Variants in RALYL observed in about 807,000 individuals in gnomAD.
RALYL encodes RNA-binding Raly-like protein.
Under a neutral mutation model 35.1 loss-of-function variants are expected in RALYL, and 29 were observed. The ratio of observed to expected loss-of-function variants is 0.83; its 90% CI spans 0.61 to 1.13. The LOEUF is 1.13. RALYL is among the 50% of genes most tolerant of loss of function. RALYL has a pLI of 0.00. For synonymous variants in RALYL, 120 were observed against 127.6 expected, an observed-to-expected ratio of 0.94 and a Z score of 0.40; for missense variants, 359 against 360.4, an observed-to-expected ratio of 1.00 and a Z score of 0.03.
At chr8:84,741,763 G>A (rs1444734329) in intron 2 of RALYL, among the ~76,000 whole-genome samples, 3 of 151,922 alleles carry the variant, frequency 2.0e-5, no homozygotes, top group Admixed American at 2.0e-4. Context: ...AAAAGAAAAA[G>A]AATTTGCTCC....
chr8:84,416,427 G>A (rs1267863094), intron 1 of RALYL, among the ~76,000 whole-genome samples: 1 of 152,188 alleles, frequency 6.6e-6, no homozygotes, highest in Non-Finnish European at 1.5e-5. Flanking sequence ...GTGGCATTTA[G>A]GAAGTAGTAA....
chr8:84,223,143 CTTTCCTTTCCTTTCT>C (rs1822777755), intron 1 of RALYL, among the ~76,000 whole-genome samples: 2 of 121,918 alleles, frequency 1.6e-5, no homozygotes, highest in Non-Finnish European at 3.3e-5. Flanking sequence ...CTTTCCTTTC[CTTTCCTTTCCTTTCT>C]TTCCTTCCTC....
intron 2 of RALYL, among the ~76,000 whole-genome samples, chr8:84,693,664 A>G (rs1046445151): frequency 1.3e-5 from 2 of 151,986 alleles, no homozygotes; most frequent in African/African-American, 4.8e-5. Context: ...GCACTACAAG[A>G]AGAAAAATTA....
At chr8:84,907,717 TTTAC>T (rs1419137964) in intron 8 of RALYL, among the ~76,000 whole-genome samples, 3 of 152,126 alleles carry the variant, frequency 2.0e-5, no homozygotes, top group African/African-American at 7.2e-5. Context: ...GGTACTATTT[TTTAC>T]TTACTTATTA....
intron 1 of RALYL, among the ~76,000 whole-genome samples, chr8:84,318,154 C>T (rs545433226): frequency 1.3e-5 from 2 of 152,106 alleles, no homozygotes; most frequent in African/African-American, 4.8e-5. Context: ...CTGTTAAAGA[C>T]GTATTAAGAA....
At chr8:84,431,688 T>C (rs2047162804) in intron 1 of RALYL, among the ~76,000 whole-genome samples, 1 of 152,174 alleles carries the variant, frequency 6.6e-6, no homozygotes, top group South Asian at 2.1e-4. Context: ...CCTACAATAA[T>C]GTCCTCCAGG....
chr8:84,672,357 T>C (rs1833428355), intron 2 of RALYL, among the ~76,000 whole-genome samples: 1 of 152,212 alleles, frequency 6.6e-6, no homozygotes, highest in African/African-American at 2.4e-5. Flanking sequence ...TCTTGTCTTA[T>C]GAGCCTTCCA....
chr8:84,469,472 G>C (rs1369108365), intron 1 of RALYL, among the ~76,000 whole-genome samples: 1 of 152,192 alleles, frequency 6.6e-6, no homozygotes, highest in Non-Finnish European at 1.5e-5. Flanking sequence ...AGGGGACAGG[G>C]ACCCACTTGA....
At position 84,183,421 on chromosome 8, in the gene RALYL, G is replaced by A. The variant is rs10096837; in HGVS notation, c.-1027G>A. ...GTGGGCTTCCCCCCTCGCAGCCTCGGTCCTTCCCCGCTGCCTGCAAGTCAG... is the reference window on the plus strand; with the variant it reads ...GTGGGCTTCCCCCCTCGCAGCCTCGATCCTTCCCCGCTGCCTGCAAGTCAG... On this transcript the variant is annotated 5_prime_UTR_variant, in exon 1 of 9. Coordinates refer to ENST00000521268, the MANE Select transcript of RALYL (RefSeq NM_173848.7). 3,238 of 153,296 alleles carry A rather than the reference G, an allele frequency of 0.021. 124 individuals are homozygous for A. The highest frequency in any genetic ancestry group is 0.074 in the African/African-American group (3,067 of 41,556). The allele number at this position is 153,296 out of a possible 1,614,324, so 9.5% of individuals were successfully genotyped here. A position where few individuals can be genotyped will look rare whatever the true frequency, so the allele number is the denominator to read the frequency against.
intron 2 of RALYL, among the ~76,000 whole-genome samples, chr8:84,559,016 G>A (rs1380129337): frequency 6.6e-6 from 1 of 151,952 alleles, no homozygotes; most frequent in Non-Finnish European, 1.5e-5. Context: ...TTACCATCAT[G>A]TTTTTTCTGA....
At chr8:84,186,068 G>A (rs988215849) in intron 1 of RALYL, among the ~76,000 whole-genome samples, 10 of 152,108 alleles carry the variant, frequency 6.6e-5, no homozygotes, top group South Asian at 2.1e-4. Flanking sequence ...ATTTCCTGGC[G>A]GGGAAATACA....
At chr8:84,589,624 A>T (rs1031854959) in intron 2 of RALYL, among the ~76,000 whole-genome samples, 2 of 152,196 alleles carry the variant, frequency 1.3e-5, no homozygotes, top group Admixed American at 6.5e-5. Context: ...AGCTAATATT[A>T]TACTTTATTA....
At chr8:84,242,473 A>T (rs559679224) in intron 1 of RALYL, among the ~76,000 whole-genome samples, 1 of 152,284 alleles carries the variant, frequency 6.6e-6, no homozygotes, top group East Asian at 1.9e-4. Flanking sequence ...GTGTAAAAGC[A>T]TTCCTATTTC....
intron 2 of RALYL, among the ~76,000 whole-genome samples, chr8:84,659,717 C>A (rs1830561351): frequency 6.6e-6 from 1 of 151,980 alleles, no homozygotes; most frequent in Admixed American, 6.6e-5. Flanking sequence ...TACCTAGTCA[C>A]AATAATATAA....
intron 2 of RALYL, among the ~76,000 whole-genome samples, chr8:84,734,522 A>T (rs992155758): frequency 2.6e-5 from 4 of 152,180 alleles, no homozygotes; most frequent in Non-Finnish European, 5.9e-5. Flanking sequence ...TTCCAGAGCA[A>T]AAAATTTTCA....
At chr8:84,695,633 A>G (rs1403334464) in intron 2 of RALYL, among the ~76,000 whole-genome samples, 2 of 151,838 alleles carry the variant, frequency 1.3e-5, no homozygotes, top group Non-Finnish European at 2.9e-5. Context: ...TTGGACAAGT[A>G]TATACTTAGT....
chr8:84,705,964 C>T, intron 2 of RALYL: 1 of 1,531,236 alleles, frequency 6.5e-7, no homozygotes, highest in Non-Finnish European at 8.7e-7. Context: ...GGAGCACAAC[C>T]CGTCTCTTTG....
chr8:84,883,882 G>C (rs144353146), intron 7 of RALYL, among the ~76,000 whole-genome samples: 28 of 152,034 alleles, frequency 1.8e-4, no homozygotes, highest in African/African-American at 6.0e-4. Flanking sequence ...GTTATAACAT[G>C]TTTGTGTGGT....
At chr8:84,593,510 T>G (rs989211462) in intron 2 of RALYL, among the ~76,000 whole-genome samples, 3 of 152,130 alleles carry the variant, frequency 2.0e-5, no homozygotes, top group African/African-American at 7.2e-5. Context: ...CTTTTTGCAT[T>G]TAACCTCTAA....
Sources: gnomAD v4.1 joint callset for allele counts (sites outside exome capture counted in the v4.1 genomes callset) on GRCh38, gnomAD v4.1.1 for gene constraint, MANE v1.5 for transcripts, NCBI Gene and HGNC (gene_info 2026-07-23, HGNC 2026-07-21) for gene names.